The following NREP variants were observed in gnomAD, a reference collection of about 807,000 sequenced individuals.
The protein encoded by NREP is neuronal regeneration-related protein.
A neutral mutation model predicts 8.6 loss-of-function variants in NREP; 5 were observed. The ratio of observed to expected loss-of-function variants is 0.58; its 90% confidence interval spans 0.30 to 1.22. The LOEUF is 1.22. Among genes scored for constraint, NREP ranks in the 50% most tolerant of loss-of-function variants. NREP has a pLI of 0.07. For synonymous variants in NREP, 27 were observed against 28.0 expected, an observed-to-expected ratio of 0.96 and a Z score of 0.11; for missense variants, 86 against 82.5, an observed-to-expected ratio of 1.04 and a Z score of -0.17.
chr5:111,744,999 T>A (rs1305025314), intron 2 of NREP, among the ~76,000 whole-genome samples: 1 of 152,120 alleles, frequency 6.6e-6, no homozygotes, highest in Admixed American at 6.5e-5. Flanking sequence ...CAGGAGTAGT[T>A]GGAACCCACA....
At chr5:111,964,694 G>A (rs75291256) in intron 2 of NREP, among the ~76,000 whole-genome samples, 2 of 151,756 alleles carry the variant, frequency 1.3e-5, no homozygotes, top group African/African-American at 4.8e-5. Flanking sequence ...TAGACAACTG[G>A]CTGTGTCCAG....
intron 2 of NREP, among the ~76,000 whole-genome samples, chr5:111,838,966 A>T (rs1715534026): frequency 1.3e-5 from 2 of 152,064 alleles, no homozygotes; most frequent in Admixed American, 1.3e-4. Flanking sequence ...AAGTGGGATA[A>T]TTTAATGTTT....
At chr5:111,847,187 C>G (rs1753197680) in intron 2 of NREP, among the ~76,000 whole-genome samples, 1 of 151,782 alleles carries the variant, frequency 6.6e-6, no homozygotes, top group South Asian at 2.1e-4. Flanking sequence ...GTTTAAACAG[C>G]AAATGTTTAT....
chr5:111,884,710 C>T (rs186931598), intron 2 of NREP, among the ~76,000 whole-genome samples: 513 of 152,274 alleles, frequency 3.4e-3, no homozygotes, highest in African/African-American at 0.011. Context: ...ATAAACAGAA[C>T]CAAACACAAA....
chr5:111,823,042 A>G (rs1046258988), intron 2 of NREP, among the ~76,000 whole-genome samples: 6 of 152,270 alleles, frequency 3.9e-5, no homozygotes, highest in African/African-American at 1.4e-4. Context: ...GAGATTGGGC[A>G]TCTGCATCTG....
chr5:111,967,728 A>G (rs1312811045), intron 2 of NREP, among the ~76,000 whole-genome samples: 2 of 151,916 alleles, frequency 1.3e-5, no homozygotes, highest in Non-Finnish European at 2.9e-5. Flanking sequence ...GCAACCTTCC[A>G]AGTGTGAAGT....
upstream of NREP, chr5:111,757,758 C>T (rs985010359): frequency 7.4e-5 from 73 of 982,714 alleles, no homozygotes; most frequent in Non-Finnish European, 8.1e-5. Context: ...GCGCAAATCC[C>T]CGGCCTTCCT....
chr5:111,917,085 C>A (rs1755081556), intron 2 of NREP, among the ~76,000 whole-genome samples: 1 of 152,060 alleles, frequency 6.6e-6, no homozygotes, highest in African/African-American at 2.4e-5. Flanking sequence ...TGTCCCTTTT[C>A]CCATGATTCT....
At chr5:111,820,997 C>T (rs1394655705) in intron 2 of NREP, among the ~76,000 whole-genome samples, 1 of 152,184 alleles carries the variant, frequency 6.6e-6, no homozygotes, top group Non-Finnish European at 1.5e-5. Flanking sequence ...AGACAGTCCT[C>T]TGAATCCCCA....
chr5:111,956,403 A>G (rs905518953), intron 2 of NREP, among the ~76,000 whole-genome samples: 1 of 152,162 alleles, frequency 6.6e-6, no homozygotes, highest in African/African-American at 2.4e-5. Flanking sequence ...TAGTATATTG[A>G]TATTAAAAAG....
upstream of NREP, chr5:111,757,664 G>T (rs1581093636): frequency 1.0e-6 from 1 of 983,288 alleles, no homozygotes; most frequent in Non-Finnish European, 1.2e-6. Flanking sequence ...TCGCCGCGCC[G>T]TCCCCACTGC....
chr5:111,936,760 T>C (rs980218435), intron 2 of NREP, among the ~76,000 whole-genome samples: 1 of 152,070 alleles, frequency 6.6e-6, no homozygotes, highest in African/African-American at 2.4e-5. Flanking sequence ...ACAATTTCTT[T>C]TTACTAAAGG....
At chr5:111,827,035 T>A (rs1752645044) in intron 2 of NREP, among the ~76,000 whole-genome samples, 1 of 152,212 alleles carries the variant, frequency 6.6e-6, no homozygotes, top group Admixed American at 6.5e-5. Flanking sequence ...CAAATAGATA[T>A]TTTCTTAAAC....
At chr5:111,884,662 G>A (rs1361778481) in intron 2 of NREP, among the ~76,000 whole-genome samples, 1 of 152,140 alleles carries the variant, frequency 6.6e-6, no homozygotes, top group Admixed American at 6.5e-5. Context: ...ATGCAAGGCT[G>A]GTTCAATGTA....
chr5:111,923,722 G>A (rs963994350), intron 2 of NREP, among the ~76,000 whole-genome samples: 1 of 152,168 alleles, frequency 6.6e-6, no homozygotes. Flanking sequence ...CCCACTGGCT[G>A]TTGAGCTGGC....
At chr5:111,744,588 T>C (rs1177428527) in intron 2 of NREP, among the ~76,000 whole-genome samples, 3 of 152,262 alleles carry the variant, frequency 2.0e-5, no homozygotes, top group East Asian at 3.9e-4. Flanking sequence ...GCACACCACC[T>C]GGGTTTTCAA....
At chr5:111,936,251 T>A (rs1227344896) in intron 2 of NREP, among the ~76,000 whole-genome samples, 1 of 152,050 alleles carries the variant, frequency 6.6e-6, no homozygotes, top group Non-Finnish European at 1.5e-5. Flanking sequence ...GTGGCTGGAT[T>A]ATGGGGGCAG....
At chr5:111,736,168 C>G (rs1374746873) in intron 2 of NREP, among the ~76,000 whole-genome samples, 1 of 152,074 alleles carries the variant, frequency 6.6e-6, no homozygotes, top group East Asian at 1.9e-4. Context: ...CATAAGGTTG[C>G]CGACCAGCTG....
At chr5:111,942,066 A>G (rs1228101415) in intron 2 of NREP, among the ~76,000 whole-genome samples, 2 of 152,050 alleles carry the variant, frequency 1.3e-5, no homozygotes, top group Admixed American at 6.6e-5. Flanking sequence ...TGTCTCAAAG[A>G]TCGATTCCAT....
Sources: allele counts gnomAD v4.1 joint callset (sites outside exome capture counted in the v4.1 genomes callset), GRCh38; gene constraint gnomAD v4.1.1; transcripts MANE v1.5; gene names NCBI Gene and HGNC (gene_info 2026-07-23, HGNC 2026-07-21).